The following HCRTR2 variants were observed in gnomAD, a reference collection of about 807,000 sequenced individuals.
HCRTR2 encodes orexin receptor type 2.
In HCRTR2, 22 loss-of-function variants were observed where a neutral mutation model predicts 49.0. The ratio of observed to expected loss-of-function variants is 0.45; its 90% CI spans 0.32 to 0.64. The LOEUF (loss-of-function observed/expected upper bound fraction) is 0.64, where lower values mean the gene tolerates loss of function less well. HCRTR2 is among the 30% of genes least tolerant of loss of function. HCRTR2 has a pLI of 0.04. For missense variants in HCRTR2, 491 were observed against 559.4 expected (o/e 0.88, Z 1.23); for synonymous variants, 236 against 205.3 (o/e 1.15, Z -1.28).
intron 1 of HCRTR2, among the ~76,000 whole-genome samples, chr6:55,148,632 C>T (rs1764625510): frequency 6.6e-6 from 1 of 152,066 alleles, no homozygotes; most frequent in South Asian, 2.1e-4. Flanking sequence ...TATGCTTCTC[C>T]CACAAAGTTT....
At chr6:55,143,001 T>TAGAA (rs754977442) in intron 1 of HCRTR2, among the ~76,000 whole-genome samples, 11 of 135,474 alleles carry the variant, frequency 8.1e-5, no homozygotes, top group Non-Finnish European at 1.0e-4. Flanking sequence ...GATAGATAGA[T>TAGAA]AGATAGACAG....
chr6:55,122,043 A>G (rs1764207935), intron 1 of HCRTR2, among the ~76,000 whole-genome samples: 1 of 152,158 alleles, frequency 6.6e-6, no homozygotes, highest in African/African-American at 2.4e-5. Context: ...GAATGGTACC[A>G]GCTCCTCCTT....
intron 1 of HCRTR2, among the ~76,000 whole-genome samples, chr6:55,162,528 G>A (rs1764821298): frequency 6.6e-6 from 1 of 152,162 alleles, no homozygotes. Context: ...TATTCAAATA[G>A]GAAGAGAAGA....
At chr6:55,219,760 A>C (rs1765855183) in intron 1 of HCRTR2, among the ~76,000 whole-genome samples, 1 of 151,908 alleles carries the variant, frequency 6.6e-6, no homozygotes, top group Non-Finnish European at 1.5e-5. Context: ...TAATGAAACT[A>C]ACAGCTGCTT....
chr6:55,262,160 A>G (rs1338512824), intron 3 of HCRTR2, among the ~76,000 whole-genome samples: 2 of 151,650 alleles, frequency 1.3e-5, no homozygotes, highest in Non-Finnish European at 1.5e-5. Flanking sequence ...CAGATTGGGT[A>G]AAGTGTACAC....
intron 1 of HCRTR2, among the ~76,000 whole-genome samples, chr6:55,236,647 T>C (rs1396259118): frequency 6.6e-6 from 1 of 152,134 alleles, no homozygotes; most frequent in Non-Finnish European, 1.5e-5. Context: ...AGATATTAAC[T>C]TTTGAGAATT....
intron 1 of HCRTR2, among the ~76,000 whole-genome samples, chr6:55,126,715 T>C (rs1379651639): frequency 1.2e-5 from 1 of 80,234 alleles, no homozygotes; most frequent in Non-Finnish European, 3.5e-5. Context: ...CCCAGGGAGA[T>C]GGCGTTTTAT....
At chr6:55,157,480 C>A (rs886496479) in intron 1 of HCRTR2, among the ~76,000 whole-genome samples, 1 of 152,232 alleles carries the variant, frequency 6.6e-6, no homozygotes, top group Admixed American at 6.5e-5. Context: ...GGGAAGGACA[C>A]AAGTCTGACT....
At chr6:55,171,188 A>G (rs901081336), upstream of HCRTR2, among the ~76,000 whole-genome samples, 4 of 152,052 alleles carry the variant, frequency 2.6e-5, no homozygotes, top group African/African-American at 9.7e-5. Context: ...ACTAGTTTAC[A>G]CTCCCACCAA....
intron 1 of HCRTR2, among the ~76,000 whole-genome samples, chr6:55,144,944 C>T (rs193138492): frequency 2.6e-4 from 39 of 152,200 alleles, no homozygotes; most frequent in African/African-American, 9.2e-4. Context: ...CCGTGTTCTC[C>T]CTATTCAAAC....
rs202246026 is a variant in HCRTR2 at position 55,174,745 on chromosome 6, A to G, written c.158A>G (p.Tyr53Cys). ...LWREYLHPKE[Y>C]EWVLIAGYII... ...AGGGAATACCTGCACCCGAAAGAATATGAGTGGGTCCTGATCGCCGGGTAC... is the reference window on the plus strand; with the variant it reads ...AGGGAATACCTGCACCCGAAAGAATGTGAGTGGGTCCTGATCGCCGGGTAC... The change falls in exon 1 of 7, where the codon TAT (tyrosine) becomes TGT (cysteine). Residue 53 changes from tyrosine to cysteine, a missense_variant. Physicochemically the swap from Tyr to Cys is radical, Grantham distance 194 (BLOSUM62 -2). Transcript: ENST00000370862. 7.4e-6 allele frequency: 12 copies of G among 1,613,888 alleles called. No individual in the cohort carries two copies. The highest frequency in any genetic ancestry group is 4.0e-5 in the African/African-American group (3 of 74,872).
intron 1 of HCRTR2, among the ~76,000 whole-genome samples, chr6:55,204,999 G>A (rs1765576554): frequency 6.6e-6 from 1 of 152,082 alleles, no homozygotes; most frequent in Non-Finnish European, 1.5e-5. Context: ...GTCTCGCTAT[G>A]TTGCCTGAGC....
chr6:55,255,328 G>A lies in HCRTR2; in HGVS notation c.595G>A (p.Gly199Ser), dbSNP rs1766631557. 6.2e-7 allele frequency: 1 copy of A among 1,614,052 alleles called. No homozygotes were observed. Among genetic ancestry groups the A allele is most frequent in the Non-Finnish European group, 8.5e-7 (1 of 1,179,974 alleles). ...CATGGAGTGCAGCACCGTGTTCCCA[G>A]GCTTAGCCAATAAAACCACCCTCTT... Reference protein sequence around the residue: ...IVMECSTVFPGLANKTTLFTV... With the variant: ...IVMECSTVFPSLANKTTLFTV... The change falls in exon 3 of 7, where the codon GGC (glycine) becomes AGC (serine). Residue 199 changes from glycine to serine, a missense_variant. Coordinates refer to ENST00000370862, the MANE Select transcript of HCRTR2 (RefSeq NM_001384272.1).
At chr6:55,264,662 C>T (rs1225659663) in intron 4 of HCRTR2, among the ~76,000 whole-genome samples, 1 of 152,120 alleles carries the variant, frequency 6.6e-6, no homozygotes, top group African/African-American at 2.4e-5. Flanking sequence ...TACCAACAAA[C>T]ACATTTAGTG....
At chr6:55,254,216 G>T (rs1356590313) in intron 2 of HCRTR2, among the ~76,000 whole-genome samples, 1 of 146,146 alleles carries the variant, frequency 6.8e-6, no homozygotes, top group Non-Finnish European at 1.5e-5. Context: ...CATGCTGAAA[G>T]AAAAATAAAT....
intron 1 of HCRTR2, among the ~76,000 whole-genome samples, chr6:55,233,612 A>G (rs78573852): frequency 1.3e-5 from 2 of 152,214 alleles, no homozygotes; most frequent in East Asian, 3.9e-4. Flanking sequence ...TGGAAGGATT[A>G]CTTGAGTACA....
At chr6:55,171,303 T>C (rs1764946388), upstream of HCRTR2, among the ~76,000 whole-genome samples, 1 of 152,094 alleles carries the variant, frequency 6.6e-6, no homozygotes, top group African/African-American at 2.4e-5. Context: ...GGTCTGAAAA[T>C]ATCAATTCAT....
chr6:55,190,394 C>T (rs1445468207), intron 1 of HCRTR2, among the ~76,000 whole-genome samples: 2 of 151,900 alleles, frequency 1.3e-5, no homozygotes, highest in African/African-American at 2.4e-5. Flanking sequence ...GATACAGGGC[C>T]GTAGAGGAGG....
At chr6:55,147,759 GAA>G (rs1764614652) in intron 1 of HCRTR2, among the ~76,000 whole-genome samples, 1 of 152,166 alleles carries the variant, frequency 6.6e-6, no homozygotes, top group Non-Finnish European at 1.5e-5. Flanking sequence ...CTTGCAATAA[GAA>G]AAGAGTTGAT....
Sources: gnomAD v4.1 joint callset for allele counts (sites outside exome capture counted in the v4.1 genomes callset) on GRCh38, gnomAD v4.1.1 for gene constraint, MANE v1.5 for transcripts, NCBI Gene and HGNC (gene_info 2026-07-23, HGNC 2026-07-21) for gene names.